Variants in NFU1 observed in about 807,000 individuals in gnomAD.
NFU1 encodes NFU1 iron-sulfur cluster scaffold homolog, mitochondrial.
Under a neutral mutation model 32.2 loss-of-function variants are expected in NFU1, and 30 were observed. That is an observed-to-expected ratio of 0.93 (90% CI 0.70 to 1.26). The LOEUF (loss-of-function observed/expected upper bound fraction) is 1.26, where lower values mean the gene tolerates loss of function less well. Ranked by LOEUF, NFU1 falls within the 50% of genes most tolerant of loss-of-function variation. The probability of loss-of-function intolerance (pLI) is 0.00; values close to 1 mark genes in which losing one functional copy is unlikely to be tolerated. For missense variants in NFU1, 306 were observed against 306.6 expected, an observed-to-expected ratio of 1.00 and a Z score of 0.02; for synonymous variants, 112 against 104.6, an observed-to-expected ratio of 1.07 and a Z score of -0.43.
chr2:69,399,495 T>C (rs1301698234), intron 7 of NFU1: 1 of 371,784 alleles, frequency 2.7e-6, no homozygotes, highest in East Asian at 8.6e-5. Flanking sequence ...CTTGCTTGCA[T>C]ATTTAAGAAT....
intron 1 of NFU1, among the ~76,000 whole-genome samples, chr2:69,434,994 A>G (rs1316142972): frequency 6.6e-6 from 1 of 152,202 alleles, no homozygotes; most frequent in African/African-American, 2.4e-5. Flanking sequence ...AAAAACCTGA[A>G]AAGGCTAATC....
At chr2:69,397,653 C>G (rs376274746) in intron 7 of NFU1, among the ~76,000 whole-genome samples, 8 of 151,910 alleles carry the variant, frequency 5.3e-5, no homozygotes, top group African/African-American at 1.9e-4. Context: ...TGGCTCATGC[C>G]TGTAATCCCA....
At chr2:69,437,922 C>T (rs932380017), upstream of NFU1, among the ~76,000 whole-genome samples, 1 of 152,206 alleles carries the variant, frequency 6.6e-6, no homozygotes, top group Non-Finnish European at 1.5e-5. Flanking sequence ...TTCCTCATAG[C>T]TGTGCTTGTC....
intron 2 of NFU1, among the ~76,000 whole-genome samples, chr2:69,427,438 T>G (rs540385085): frequency 2.0e-5 from 3 of 150,616 alleles, no homozygotes; most frequent in South Asian, 4.2e-4. Flanking sequence ...TCTCAGCACT[T>G]TGGGAGGTAA....
intron 1 of NFU1, among the ~76,000 whole-genome samples, chr2:69,435,697 C>A (rs1362551867): frequency 6.6e-6 from 1 of 152,178 alleles, no homozygotes; most frequent in Non-Finnish European, 1.5e-5. Context: ...GAAGTCCTGA[C>A]TGCCACTCCC....
At chr2:69,408,593 G>A (rs1479573031) in intron 5 of NFU1, among the ~76,000 whole-genome samples, 1 of 151,770 alleles carries the variant, frequency 6.6e-6, no homozygotes, top group African/African-American at 2.4e-5. Context: ...GGTGGTGGGT[G>A]TCTGTAATCC....
chr2:69,404,118 G>A (rs139699211), intron 6 of NFU1, among the ~76,000 whole-genome samples: 1,874 of 151,284 alleles, frequency 0.012, 45 homozygotes, highest in African/African-American at 0.043. Flanking sequence ...GATTACAGGC[G>A]TGAGGCACCG....
At position 69,406,624 on chromosome 2, in the gene NFU1, G is replaced by A. The variant is rs941691831; in HGVS notation, c.485-542C>T. Among the ~76,000 whole-genome samples, 15 of 152,278 alleles carry A rather than the reference G, an allele frequency of 9.9e-5. No homozygotes were observed. In the South Asian group the frequency reaches 1.7e-3, roughly 17 times the overall value. ...TTCACTCTGTTGCCCAGTGCGGAGT[G>A]CAGTGGGGTGATCACAGCTCACTGC... On this transcript the variant is annotated intron_variant, in intron 5 of 7. Coordinates refer to ENST00000410022, the MANE Select transcript of NFU1 (RefSeq NM_001002755.4).
intron 3 of NFU1, among the ~76,000 whole-genome samples, chr2:69,421,925 C>T (rs996662151): frequency 6.6e-6 from 1 of 152,024 alleles, no homozygotes; most frequent in African/African-American, 2.4e-5. Context: ...CATTCCAATG[C>T]CCCCAGTGGA....
At chr2:69,421,773 G>A (rs1328413215) in intron 3 of NFU1, among the ~76,000 whole-genome samples, 1 of 151,530 alleles carries the variant, frequency 6.6e-6, no homozygotes, top group African/African-American at 2.4e-5. Context: ...TTCACTGTTA[G>A]CCAGGATGCT....
At chr2:69,413,084 A>C (rs1376384304) in intron 5 of NFU1, among the ~76,000 whole-genome samples, 1 of 151,578 alleles carries the variant, frequency 6.6e-6, no homozygotes, top group East Asian at 2.0e-4. Context: ...CAGGAGTTCA[A>C]GACCAGACCA....
intron 4 of NFU1, among the ~76,000 whole-genome samples, chr2:69,419,078 C>G (rs1186879345): frequency 6.6e-6 from 1 of 151,992 alleles, no homozygotes; most frequent in Non-Finnish European, 1.5e-5. Flanking sequence ...AATTTGGAGG[C>G]CGAGGCGGGT....
At chr2:69,414,159 G>A (rs1672978351) in intron 5 of NFU1, among the ~76,000 whole-genome samples, 1 of 152,106 alleles carries the variant, frequency 6.6e-6, no homozygotes, top group African/African-American at 2.4e-5. Flanking sequence ...ATAAAAATTA[G>A]TACAAAAACT....
intron 1 of NFU1, among the ~76,000 whole-genome samples, chr2:69,436,661 A>C (rs1262498729): frequency 2.0e-5 from 3 of 152,234 alleles, no homozygotes; most frequent in African/African-American, 4.8e-5. Flanking sequence ...TACAATGTCT[A>C]ATACTCTAGA....
chr2:69,409,956 C>G (rs917235701), intron 5 of NFU1, among the ~76,000 whole-genome samples: 2 of 152,090 alleles, frequency 1.3e-5, no homozygotes, highest in African/African-American at 4.8e-5. Flanking sequence ...TATAAACGTT[C>G]GGTTTTTGTA....
intron 4 of NFU1, among the ~76,000 whole-genome samples, chr2:69,418,117 G>C (rs1673116745): frequency 6.6e-6 from 1 of 151,920 alleles, no homozygotes; most frequent in African/African-American, 2.4e-5. Context: ...GAAGAATGGG[G>C]GGCTGGACGT....
At chr2:69,406,123 T>C (rs948152727) in intron 5 of NFU1, 41 bp from the exon 6 acceptor site, 2 of 1,196,322 alleles carry the variant, frequency 1.7e-6, no homozygotes, top group South Asian at 2.4e-5. Flanking sequence ...AGTAGAAATT[T>C]TATAGCCATG....
At chr2:69,404,778 C>T (rs1672644174) in intron 6 of NFU1, among the ~76,000 whole-genome samples, 1 of 151,160 alleles carries the variant, frequency 6.6e-6, no homozygotes. Flanking sequence ...CACCACCACG[C>T]CTGGCTAATT....
At position 69,419,521 on chromosome 2, in the gene NFU1, T is replaced by C. The variant is rs1288849347; in HGVS notation, c.369+17A>G. Reference sequence around the variant, plus strand: ...GAAGAGTATTTCAAGTCTTATTTTATATAATCCTATGTTTACCTTTGTGAC... The same window carrying C: ...GAAGAGTATTTCAAGTCTTATTTTACATAATCCTATGTTTACCTTTGTGAC... On this transcript the variant is annotated intron_variant, in intron 4 of 7. Coordinates refer to ENST00000410022, the MANE Select transcript of NFU1 (RefSeq NM_001002755.4). The C allele has an allele frequency of 2.1e-6, 3 of 1,416,800 alleles. No homozygotes were observed. Among genetic ancestry groups the C allele is most frequent in the Non-Finnish European group, 3.0e-6 (3 of 1,006,438 alleles). 87.8% of individuals were successfully genotyped at this position (1,416,800 alleles called of 1,614,324 possible). A position where few individuals can be genotyped will look rare whatever the true frequency, so the allele number is the denominator to read the frequency against.
Sources: allele counts gnomAD v4.1 joint callset (sites outside exome capture counted in the v4.1 genomes callset), GRCh38; gene constraint gnomAD v4.1.1; transcripts MANE v1.5; gene names NCBI Gene and HGNC (gene_info 2026-07-23, HGNC 2026-07-21).